The following MAN2A1 variants were observed in gnomAD, a reference collection of about 807,000 sequenced individuals.
MAN2A1 encodes alpha-mannosidase 2.
A neutral mutation model predicts 142.6 loss-of-function variants in MAN2A1; 76 were observed. That is an observed-to-expected ratio of 0.53 (90% CI 0.44 to 0.65). The LOEUF (loss-of-function observed/expected upper bound fraction) is 0.65. Among genes scored for constraint, MAN2A1 ranks in the 30% least tolerant of loss-of-function variants. The probability of loss-of-function intolerance (pLI) is 0.00; values close to 1 mark genes in which losing one functional copy is unlikely to be tolerated. For synonymous variants in MAN2A1, 559 were observed against 473.2 expected, an observed-to-expected ratio of 1.18 and a Z score of -2.35; for missense variants, 1,311 against 1,365.1, an observed-to-expected ratio of 0.96 and a Z score of 0.62.
chr5:109,707,179 C>T (rs946428255), intron 1 of MAN2A1, among the ~76,000 whole-genome samples: 3 of 152,136 alleles, frequency 2.0e-5, no homozygotes, highest in Non-Finnish European at 4.4e-5. Context: ...TATGTTATTT[C>T]CCAAACAGCC....
At chr5:109,723,566 C>T (rs1159930295) in intron 3 of MAN2A1, among the ~76,000 whole-genome samples, 1 of 152,146 alleles carries the variant, frequency 6.6e-6, no homozygotes, top group East Asian at 1.9e-4. Context: ...TTCTGTTTCT[C>T]TGCTTCTACT....
intron 1 of MAN2A1, among the ~76,000 whole-genome samples, chr5:109,704,759 C>G (rs547528921): frequency 6.6e-6 from 1 of 152,216 alleles, no homozygotes; most frequent in African/African-American, 2.4e-5. Flanking sequence ...TACAGACTCT[C>G]TTTTACCAAA....
In MAN2A1 at chr5:109,868,283, A is replaced by G. The variant is rs1050849203; in HGVS notation, c.*1285A>G. The stretch of plus-strand genomic sequence containing the variant: ...AATATGTTTGTTCATTCAGTTCTCA[A>G]CTTTTGTATGTGCTAACCTTAAAGT... On this transcript the variant is annotated 3_prime_UTR_variant, in exon 22 of 22. Coordinates refer to ENST00000261483, the MANE Select transcript of MAN2A1 (RefSeq NM_002372.4). The G allele has an allele frequency of 8.5e-5, 13 of 152,164 alleles. No homozygotes were observed. Among genetic ancestry groups the G allele is most frequent in the African/African-American group, 2.9e-4 (12 of 41,440 alleles). The allele number at this position is 152,164 out of a possible 1,614,324, so 9.4% of individuals were successfully genotyped here.
rs1053930845 is a variant in MAN2A1 at position 109,867,254 on chromosome 5, A to C, written c.*256A>C. The C allele has an allele frequency of 2.3e-5, 6 of 261,102 alleles. No individual in the cohort carries two copies. Among genetic ancestry groups the C allele is most frequent in the Non-Finnish European group, 3.6e-5 (5 of 139,532 alleles). The allele number at this position is 261,102 out of a possible 1,614,324, so 16.2% of individuals were successfully genotyped here. On this transcript the variant is annotated 3_prime_UTR_variant, in exon 22 of 22. Coordinates refer to ENST00000261483, the MANE Select transcript of MAN2A1 (RefSeq NM_002372.4). The stretch of plus-strand genomic sequence containing the variant: ...ACCACCATCAGTATGAATTGATGCA[A>C]CAAATGAAGAAATATTTAAAGACAG...
Position 109,724,994 on chromosome 5 carries a change from A to G in MAN2A1, c.536-4348A>G, listed in dbSNP as rs181764268. 1.5e-3 allele frequency among the ~76,000 whole-genome samples: 232 copies of G among 152,152 alleles called. 1 individual carries two copies. Among genetic ancestry groups the G allele is most frequent in the African/African-American group, 5.3e-3 (219 of 41,510 alleles). On this transcript the variant is annotated intron_variant, in intron 3 of 21. Coordinates refer to ENST00000261483, the MANE Select transcript of MAN2A1 (RefSeq NM_002372.4). The stretch of plus-strand genomic sequence containing the variant: ...CCTAGTCCTTTTGGCTATACCTTTC[A>G]TTCATCTTATTAAGTACTTATTGAA...
intron 4 of MAN2A1, among the ~76,000 whole-genome samples, chr5:109,753,656 T>C (rs1216305687): frequency 3.9e-5 from 6 of 152,226 alleles, no homozygotes; most frequent in Non-Finnish European, 8.8e-5. Flanking sequence ...GAATTACATG[T>C]TGTGTTAATG....
intron 16 of MAN2A1, among the ~76,000 whole-genome samples, chr5:109,830,270 C>A (rs1257421684): frequency 6.6e-6 from 1 of 152,192 alleles, no homozygotes; most frequent in African/African-American, 2.4e-5. Context: ...AGTTTTGCCT[C>A]TAAGCAAACT....
intron 10 of MAN2A1, 42 bp downstream of exon 10, chr5:109,784,968 A>C (rs1032995981): frequency 1.4e-6 from 2 of 1,390,830 alleles, no homozygotes; most frequent in African/African-American, 2.9e-5. Flanking sequence ...AAAATCATTA[A>C]AATTATGGGT....
At chr5:109,814,886 G>T (rs1754412105) in intron 12 of MAN2A1, among the ~76,000 whole-genome samples, 1 of 152,144 alleles carries the variant, frequency 6.6e-6, no homozygotes, top group Admixed American at 6.5e-5. Context: ...TTTGGCTGTA[G>T]TGGAGCACCC....
At chr5:109,820,971 A>T (rs1754607340) in intron 15 of MAN2A1, among the ~76,000 whole-genome samples, 1 of 152,152 alleles carries the variant, frequency 6.6e-6, no homozygotes, top group Admixed American at 6.5e-5. Context: ...GGAAAAATAG[A>T]TTTTCCACTG....
chr5:109,859,875 CTTT>C (rs563606570), intron 20 of MAN2A1, among the ~76,000 whole-genome samples: 4 of 127,542 alleles, frequency 3.1e-5, no homozygotes, highest in Middle Eastern at 3.8e-3. Context: ...TGTAGTTCAG[CTTT>C]TTTTTTTTTT....
chr5:109,776,987 A>G (rs1472072653), intron 8 of MAN2A1, among the ~76,000 whole-genome samples: 1 of 152,026 alleles, frequency 6.6e-6, no homozygotes, highest in African/African-American at 2.4e-5. Context: ...ACCACAGTTT[A>G]TTCATTGTAT....
intron 16 of MAN2A1, among the ~76,000 whole-genome samples, chr5:109,839,542 T>C (rs1251436401): frequency 2.7e-5 from 4 of 148,552 alleles, no homozygotes; most frequent in African/African-American, 9.9e-5. Flanking sequence ...CTGGGTGCAG[T>C]GGCACATGCC....
intron 3 of MAN2A1, among the ~76,000 whole-genome samples, chr5:109,719,035 C>G (rs976166172): frequency 6.6e-6 from 1 of 151,616 alleles, no homozygotes; most frequent in African/African-American, 2.4e-5. Context: ...TAAAAACAGG[C>G]AATAATAAGC....
intron 1 of MAN2A1, among the ~76,000 whole-genome samples, chr5:109,708,059 G>A (rs1478047196): frequency 2.0e-5 from 3 of 152,016 alleles, no homozygotes; most frequent in African/African-American, 7.2e-5. Context: ...GTATAGAGAG[G>A]TAAGAGGCTC....
intron 5 of MAN2A1, among the ~76,000 whole-genome samples, chr5:109,760,982 G>A (rs1444964789): frequency 6.6e-6 from 1 of 151,778 alleles, no homozygotes; most frequent in East Asian, 1.9e-4. Flanking sequence ...TATGCTATAT[G>A]AATATTTTTA....
chr5:109,773,618 G>T (rs900615601), intron 7 of MAN2A1, among the ~76,000 whole-genome samples: 1 of 151,928 alleles, frequency 6.6e-6, no homozygotes, highest in African/African-American at 2.4e-5. Context: ...AGCATTATAT[G>T]TTACATAAGG....
At chr5:109,755,682 C>T (rs1187635828) in intron 5 of MAN2A1, among the ~76,000 whole-genome samples, 1 of 151,498 alleles carries the variant, frequency 6.6e-6, no homozygotes, top group Non-Finnish European at 1.5e-5. Context: ...TATTATTTAT[C>T]TATATTTTTA....
chr5:109,774,684 A>G, intron 7 of MAN2A1, 104 bp from the exon 8 acceptor site: 4 of 787,338 alleles, frequency 5.1e-6, no homozygotes, highest in South Asian at 1.7e-5. Context: ...TTTTAATAAA[A>G]TGTACTTTTG....
Sources: allele counts gnomAD v4.1 joint callset (sites outside exome capture counted in the v4.1 genomes callset), GRCh38; gene constraint gnomAD v4.1.1; transcripts MANE v1.5; gene names NCBI Gene and HGNC (gene_info 2026-07-23, HGNC 2026-07-21).